Variants in TRIM8 observed in about 807,000 individuals in gnomAD.
TRIM8 encodes the protein tripartite motif containing 8.
A neutral mutation model predicts 55.7 loss-of-function variants in TRIM8; 9 were observed. The ratio of observed to expected loss-of-function variants is 0.16; its 90% CI spans 0.10 to 0.28. TRIM8 has a LOEUF of 0.28. TRIM8 is among the 10% of genes least tolerant of loss of function. TRIM8 has a pLI of 1.00. For missense variants in TRIM8, 556 were observed against 736.4 expected, an observed-to-expected ratio of 0.76 and a Z score of 2.83; for synonymous variants, 335 against 333.3, an observed-to-expected ratio of 1.01 and a Z score of -0.06.
chr10:102,657,223 A>G lies in TRIM8; in HGVS notation c.1525A>G (p.Thr509Ala). The change falls in exon 6 of 6, where the codon ACA becomes GCA. Residue 509 changes from threonine (T) to alanine (A), a missense_variant. Thr to Ala is a moderately conservative substitution (Grantham distance 58). Transcript: ENST00000643721. ...SQEYSHPLPP[T>A]PSVPQSLPSL... The stretch of plus-strand genomic sequence containing the variant: ...GGAGTACTCACACCCGCTCCCGCCC[A>G]CACCCTCCGTCCCCCAGTCCCTTCC... 1 of 1,613,740 alleles carries G rather than the reference A, an allele frequency of 6.2e-7. No individual in the cohort carries two copies. The highest frequency in any genetic ancestry group is 8.5e-7 in the Non-Finnish European group (1 of 1,179,904).
At chr10:102,648,011 CT>C (rs1428785556) in intron 1 of TRIM8, among the ~76,000 whole-genome samples, 8 of 152,226 alleles carry the variant, frequency 5.3e-5, no homozygotes, top group African/African-American at 1.9e-4. Context: ...TTGCCCTAAT[CT>C]TCCCTTGGGA....
chr10:102,652,034 T>G (rs1289701685), intron 1 of TRIM8, among the ~76,000 whole-genome samples: 2 of 152,166 alleles, frequency 1.3e-5, no homozygotes, highest in Non-Finnish European at 2.9e-5. Flanking sequence ...CTCTGACCCT[T>G]GGGCTGGCAG....
At position 102,656,036 on chromosome 10, in the gene TRIM8, T is replaced by G; in HGVS notation, c.901-70T>G. 1 of 1,610,412 alleles carries G rather than the reference T, an allele frequency of 6.2e-7. No homozygotes were observed. ...GGAGGCTCAGGGGGGGCAGCTTTTG[T>G]CTTCCCCTCTCCCCGGGCTCTCCCT... On this transcript the variant is annotated intron_variant, in intron 3 of 5. Coordinates refer to ENST00000643721, the MANE Select transcript of TRIM8 (RefSeq NM_030912.3). This position sits in a 1 kb window ranked among gnomAD's most constrained non-coding sequence, Gnocchi z 4.6.
chr10:102,645,069 A>G lies in TRIM8; in HGVS notation c.452A>G (p.Tyr151Cys). 1 of 1,584,556 alleles carries G rather than the reference A, an allele frequency of 6.3e-7. No homozygotes were observed. The highest frequency in any genetic ancestry group is 8.5e-7 in the Non-Finnish European group (1 of 1,173,226). ...TGGAGCTGCCCGCAGCACAACGCCTACCGCCTCTACCACTGCGAGGCCGAG... is the reference window on the plus strand; with the variant it reads ...TGGAGCTGCCCGCAGCACAACGCCTGCCGCCTCTACCACTGCGAGGCCGAG... ...RAWSCPQHNAYRLYHCEAEQV... is the reference protein window; with the variant it reads ...RAWSCPQHNACRLYHCEAEQV... Residue 151 changes from tyrosine (Y) to cysteine (C), a missense_variant, in exon 1 of 6, where the codon TAC becomes TGC. Tyr to Cys is a radical substitution (Grantham distance 194). Transcript: ENST00000643721.
intron 1 of TRIM8, among the ~76,000 whole-genome samples, chr10:102,646,710 G>C (rs1031588772): frequency 1.3e-5 from 2 of 152,184 alleles, no homozygotes; most frequent in East Asian, 1.9e-4. Flanking sequence ...ACTTTCCCCA[G>C]TATTGGGAAG....
chr10:102,654,422 G>C, intron 1 of TRIM8: 1 of 450,068 alleles, frequency 2.2e-6, no homozygotes, highest in South Asian at 2.7e-5. Flanking sequence ...GGGCAACAGA[G>C]TGAGAATCCA....
chr10:102,654,578 T>A, intron 1 of TRIM8, 75 bp from the exon 2 acceptor site: 1 of 1,131,022 alleles, frequency 8.8e-7, no homozygotes, highest in Non-Finnish European at 1.4e-6. Flanking sequence ...AGGATGCATG[T>A]GTTGTGTAGA....
chr10:102,650,254 G>A (rs2063973380), intron 1 of TRIM8, among the ~76,000 whole-genome samples: 1 of 152,194 alleles, frequency 6.6e-6, no homozygotes, highest in Admixed American at 6.5e-5. Flanking sequence ...CAGCTGGCCT[G>A]GCCAGTCAGT....
chr10:102,646,435 G>C (rs954932281), intron 1 of TRIM8, among the ~76,000 whole-genome samples: 4 of 152,198 alleles, frequency 2.6e-5, no homozygotes, highest in Non-Finnish European at 5.9e-5. Context: ...CATGATTGGA[G>C]ATGGGGCTGT....
In TRIM8 at chr10:102,644,759, G is replaced by A; in HGVS notation, c.142G>A (p.Gly48Ser). ...CIGEAWAKDS[G>S]LVRCPECNQA... Reference sequence around the variant, plus strand: ...CGGCGAGGCGTGGGCCAAGGACAGCGGCCTCGTACGCTGCCCAGAGTGCAA... The same window carrying A: ...CGGCGAGGCGTGGGCCAAGGACAGCAGCCTCGTACGCTGCCCAGAGTGCAA... The change falls in exon 1 of 6, where the codon GGC (glycine) becomes AGC (serine). Residue 48 changes from glycine to serine, a missense_variant. By Grantham distance (56) the Gly-to-Ser change is moderately conservative. Transcript: ENST00000643721. The A allele has an allele frequency of 6.2e-7, 1 of 1,613,240 alleles. No homozygotes were observed. The highest frequency in any genetic ancestry group is 8.5e-7 in the Non-Finnish European group (1 of 1,179,864).
At position 102,655,220 on chromosome 10, in the gene TRIM8, G is replaced by C; in HGVS notation, c.807G>C (p.Ala269=). 3 of 1,606,152 alleles carry C rather than the reference G, an allele frequency of 1.9e-6. No homozygotes were observed. Among genetic ancestry groups the C allele is most frequent in the South Asian group, 2.2e-5 (2 of 90,478 alleles). Residue 269 remains alanine (A), a synonymous_variant, in exon 3 of 6, where the codon GCG becomes GCC. Transcript: ENST00000643721. Reference sequence around the variant, plus strand: ...TCTGCAGCGAGAACGCAGCGCAGGCGCTGCACCTCGGGGAGCGCATGCAGG... The same window carrying C: ...TCTGCAGCGAGAACGCAGCGCAGGCCCTGCACCTCGGGGAGCGCATGCAGG... ...AKFCSENAAQ[A]LHLGERMQEA...
In TRIM8 at chr10:102,657,372, G is replaced by GGC. The variant is rs761405827; in HGVS notation, c.*21_*22dup. The GGC allele has an allele frequency of 5.3e-5, 81 of 1,534,028 alleles. No homozygotes were observed. The highest frequency in any genetic ancestry group is 2.0e-5 in the Admixed American group (1 of 49,208). ...CGAGCTAACGCCACGCAGGCGGCGG[G>GGC]GCGCTGGGGAATCTTCCTCCCCAGC... On this transcript the variant is annotated 3_prime_UTR_variant, in exon 6 of 6. Transcript: ENST00000643721.
At chr10:102,649,908 G>C (rs995425520) in intron 1 of TRIM8, among the ~76,000 whole-genome samples, 3 of 152,184 alleles carry the variant, frequency 2.0e-5, no homozygotes, top group African/African-American at 7.2e-5. Context: ...CAGGGACCAG[G>C]GGGAGGAGTA....
intron 1 of TRIM8, among the ~76,000 whole-genome samples, chr10:102,648,976 CTAT>C (rs1459594601): frequency 6.6e-6 from 1 of 152,056 alleles, no homozygotes; most frequent in Non-Finnish European, 1.5e-5. Flanking sequence ...CATGCACACA[CTAT>C]TATTACTCTG....
Position 102,644,668 on chromosome 10 carries a change from C to T in TRIM8, c.51C>T (p.Ile17=), listed in dbSNP as rs757321125. The part of the protein sequence containing the change: ...NCFEEELICP[I]CLHVFVEPVQ... ...TCGAGGAGGAGCTCATCTGCCCTATCTGCCTGCACGTTTTCGTGGAGCCAG... is the reference window on the plus strand; with the variant it reads ...TCGAGGAGGAGCTCATCTGCCCTATTTGCCTGCACGTTTTCGTGGAGCCAG... The change falls in exon 1 of 6, where the codon ATC becomes ATT. Residue 17 remains isoleucine (I), a synonymous_variant. Coordinates refer to ENST00000643721, the MANE Select transcript of TRIM8 (RefSeq NM_030912.3). The T allele has an allele frequency of 1.2e-6, 2 of 1,613,502 alleles. No homozygotes were observed. The highest frequency in any genetic ancestry group is 1.7e-5 in the Admixed American group (1 of 60,018).
chr10:102,657,082 G>A lies in TRIM8; in HGVS notation c.1384G>A (p.Gly462Ser), dbSNP rs1364790641. ...GCAGCCCATGCTCCCCCAGTATGGC[G>A]GCCGCAAGATTCTCGTCTGTTCTGT... ...AQQPMLPQYG[G>S]RKILVCSVDN... The change falls in exon 6 of 6, where the codon GGC becomes AGC. Residue 462 changes from glycine to serine, a missense_variant. By Grantham distance (56) the Gly-to-Ser change is moderately conservative. This residue lies in a region of TRIM8 where 391 missense variants were observed against 441.0 expected (regional missense o/e 0.89). Transcript: ENST00000643721. 4 of 1,613,574 alleles carry A rather than the reference G, an allele frequency of 2.5e-6. No homozygotes were observed. Among genetic ancestry groups the A allele is most frequent in the Middle Eastern group, 1.6e-4 (1 of 6,062 alleles).
At chr10:102,655,563 A>G (rs993289391) in intron 3 of TRIM8, among the ~76,000 whole-genome samples, 2 of 152,222 alleles carry the variant, frequency 1.3e-5, no homozygotes, top group African/African-American at 4.8e-5. Context: ...ACAATTCCAC[A>G]TTTATAAACA....
In TRIM8 at chr10:102,644,839, C is replaced by T; in HGVS notation, c.222C>T (p.Ile74=). The T allele has an allele frequency of 6.2e-7, 1 of 1,612,848 alleles. No individual in the cohort carries two copies. Among genetic ancestry groups the T allele is most frequent in the Non-Finnish European group, 8.5e-7 (1 of 1,179,798 alleles). ...AGAAGAACCTGAAGCTCACCAACAT[C>T]GTGGAGAAGTTCAATGCCCTGCACG... ...GLEKNLKLTN[I]VEKFNALHVE... is the part of the protein sequence containing the mutation. Residue 74 remains isoleucine, a synonymous_variant, in exon 1 of 6, where the codon ATC becomes ATT. Coordinates refer to ENST00000643721, the MANE Select transcript of TRIM8 (RefSeq NM_030912.3).
chr10:102,654,026 G>A (rs911132760), intron 1 of TRIM8: 1 of 152,286 alleles, frequency 6.6e-6, no homozygotes, highest in Non-Finnish European at 1.5e-5. Flanking sequence ...TGTGAAATGA[G>A]AATAATGATA....
Sources: allele counts gnomAD v4.1 joint callset (sites outside exome capture counted in the v4.1 genomes callset), GRCh38; gene constraint gnomAD v4.1.1; regional missense constraint gnomAD v4.1.1; non-coding constraint Gnocchi (gnomAD v3.1); transcripts MANE v1.5; gene names NCBI Gene and HGNC (gene_info 2026-07-23, HGNC 2026-07-21).